The following SGCD variants were observed in gnomAD, a reference collection of about 807,000 sequenced individuals.
The protein encoded by SGCD is sarcoglycan delta, also known as delta-sarcoglycan.
Under a neutral mutation model 36.6 loss-of-function variants are expected in SGCD, and 18 were observed. The ratio of observed to expected loss-of-function variants is 0.49; its 90% CI spans 0.34 to 0.73. SGCD has a LOEUF of 0.73. Among genes scored for constraint, SGCD ranks in the 30% least tolerant of loss-of-function variants. The pLI is 0.01. For synonymous variants in SGCD, 133 were observed against 130.6 expected (o/e 1.02, Z -0.12); for missense variants, 387 against 346.7 (o/e 1.12, Z -0.92).
intron 1 of SGCD, among the ~76,000 whole-genome samples, chr5:156,328,275 A>G (rs1227739130): frequency 6.6e-6 from 1 of 152,252 alleles, no homozygotes; most frequent in Non-Finnish European, 1.5e-5. Context: ...GTTCAGCCCA[A>G]AGCCGAGCTA....
intron 3 of SGCD, among the ~76,000 whole-genome samples, chr5:156,435,595 T>G (rs751498301): frequency 6.6e-6 from 1 of 152,216 alleles, no homozygotes; most frequent in Non-Finnish European, 1.5e-5. Flanking sequence ...AAAATTATTT[T>G]CTGTATCCGC....
intron 3 of SGCD, among the ~76,000 whole-genome samples, chr5:156,484,031 C>T (rs1018342556): frequency 4.6e-5 from 7 of 152,152 alleles, no homozygotes; most frequent in African/African-American, 1.4e-4. Flanking sequence ...TCCCAGAAAC[C>T]GGCCCTTTCT....
At chr5:156,168,315 C>T (rs1415205342) in intron 3 of SGCD, among the ~76,000 whole-genome samples, 2 of 152,072 alleles carry the variant, frequency 1.3e-5, no homozygotes, top group African/African-American at 4.8e-5. Flanking sequence ...TGATTTCCTT[C>T]CTGTGTTACA....
chr5:156,314,698 A>G (rs149145519), intron 3 of SGCD, among the ~76,000 whole-genome samples: 2 of 152,176 alleles, frequency 1.3e-5, no homozygotes, highest in African/African-American at 4.8e-5. Context: ...AAGGAAAATC[A>G]TAAGATTTTG....
intron 3 of SGCD, among the ~76,000 whole-genome samples, chr5:156,264,601 C>G (rs989026209): frequency 2.0e-5 from 3 of 151,990 alleles, no homozygotes; most frequent in Admixed American, 2.0e-4. Context: ...AATTGATACA[C>G]TAATAATACC....
At chr5:156,511,808 C>T (rs1756941095) in intron 4 of SGCD, among the ~76,000 whole-genome samples, 1 of 152,182 alleles carries the variant, frequency 6.6e-6, no homozygotes, top group Non-Finnish European at 1.5e-5. Flanking sequence ...GCACATAGTA[C>T]ATGATCAGTA....
At chr5:156,676,806 A>G (rs1753533061) in intron 7 of SGCD, among the ~76,000 whole-genome samples, 1 of 152,124 alleles carries the variant, frequency 6.6e-6, no homozygotes, top group African/African-American at 2.4e-5. Flanking sequence ...ACACATAAAT[A>G]CCACCCAACT....
chr5:156,089,233 C>T (rs1291945150), intron 1 of SGCD, among the ~76,000 whole-genome samples: 1 of 152,162 alleles, frequency 6.6e-6, no homozygotes, highest in Non-Finnish European at 1.5e-5. Context: ...AATACAAGCC[C>T]ACTTCATGGT....
chr5:155,810,068 T>C, the SGCD span, among the ~76,000 whole-genome samples: 1 of 152,270 alleles, frequency 6.6e-6, no homozygotes. Context: ...GATGTAGGGT[T>C]ATTACTTTAA....
chr5:156,349,964 A>G (rs992721773), intron 3 of SGCD, among the ~76,000 whole-genome samples: 1 of 151,920 alleles, frequency 6.6e-6, no homozygotes, highest in Non-Finnish European at 1.5e-5. Flanking sequence ...CCATTTTTCT[A>G]AGTGATGTGA....
In SGCD at chr5:156,759,206, T is replaced by G. The variant is rs921416786; in HGVS notation, c.700-11T>G. The G allele has an allele frequency of 3.1e-6, 5 of 1,611,122 alleles. No homozygotes were observed. In the East Asian group the frequency reaches 1.1e-4, roughly 36 times the overall value. ...CTGACCAATGCTTTCCTTCCTATTC[T>G]CTGTCTTTAGATTAAGTTAGATGCT... On this transcript the variant is annotated splice_polypyrimidine_tract_variant and intron_variant, in intron 8 of 8. Transcript: ENST00000337851.
At chr5:156,720,268 A>G (rs1424862548) in intron 7 of SGCD, among the ~76,000 whole-genome samples, 1 of 152,234 alleles carries the variant, frequency 6.6e-6, no homozygotes, top group Admixed American at 6.5e-5. Context: ...TCAGGCAGGA[A>G]TAAATATTAG....
chr5:156,328,337 G>GT (rs1253609000), intron 1 of SGCD, among the ~76,000 whole-genome samples: 1 of 152,200 alleles, frequency 6.6e-6, no homozygotes, highest in East Asian at 1.9e-4. Context: ...GACAACATTG[G>GT]TTTTTTCCGA....
At chr5:156,498,363 A>T in intron 3 of SGCD, among the ~76,000 whole-genome samples, 1 of 150,942 alleles carries the variant, frequency 6.6e-6, no homozygotes, top group Non-Finnish European at 1.5e-5. Flanking sequence ...ATTTGCTTTT[A>T]TGCAGCTACC....
At position 156,512,068 on chromosome 5, in the gene SGCD, G is replaced by A. The variant is rs191197299; in HGVS notation, c.294+3366G>A. The stretch of plus-strand genomic sequence containing the variant: ...AATTAGCCAGACACGGTGGCGGGCA[G>A]CTGTAATCCCAGCTATTCCGGAGAC... On this transcript the variant is annotated intron_variant, in intron 4 of 8. Coordinates refer to ENST00000337851, the MANE Select transcript of SGCD (RefSeq NM_000337.6). Among the ~76,000 whole-genome samples the A allele has an allele frequency of 2.0e-5, 3 of 151,780 alleles. No homozygotes were observed. The East Asian group carries it at 5.8e-4, about 30-fold the overall frequency.
chr5:156,502,847 G>A (rs1194228755), intron 3 of SGCD, among the ~76,000 whole-genome samples: 2 of 152,142 alleles, frequency 1.3e-5, no homozygotes, highest in African/African-American at 4.8e-5. Flanking sequence ...ATAAATGTGG[G>A]AACATATTAT....
chr5:156,055,485 A>G (rs1760035696), intron 1 of SGCD, among the ~76,000 whole-genome samples: 1 of 146,134 alleles, frequency 6.8e-6, no homozygotes. Flanking sequence ...TTAAAGGTAA[A>G]TCTCTCTTGT....
chr5:156,269,498 A>T (rs1431759224), intron 3 of SGCD, among the ~76,000 whole-genome samples: 1 of 146,396 alleles, frequency 6.8e-6, no homozygotes, highest in Non-Finnish European at 1.5e-5. Context: ...AAAAAAAAAA[A>T]AAAAAAAAAA....
chr5:155,953,481 T>C (rs1244298845), intron 1 of SGCD, among the ~76,000 whole-genome samples: 1 of 152,146 alleles, frequency 6.6e-6, no homozygotes, highest in African/African-American at 2.4e-5. Context: ...CTGGAAAAGT[T>C]TGGGCAGATA....
Sources: gnomAD v4.1 joint callset for allele counts (sites outside exome capture counted in the v4.1 genomes callset) on GRCh38, gnomAD v4.1.1 for gene constraint, MANE v1.5 for transcripts, NCBI Gene and HGNC (gene_info 2026-07-23, HGNC 2026-07-21) for gene names.